The following MCF2L2 variants were observed in gnomAD, a reference collection of about 807,000 sequenced individuals.
MCF2L2 encodes the protein probable guanine nucleotide exchange factor MCF2L2.
In MCF2L2, 102 loss-of-function variants were observed where a neutral mutation model predicts 150.2. The ratio of observed to expected loss-of-function variants is 0.68; its 90% CI spans 0.58 to 0.80. The LOEUF (loss-of-function observed/expected upper bound fraction) is 0.80, where lower values mean the gene tolerates loss of function less well. Among genes scored for constraint, MCF2L2 ranks in the 30% least tolerant of loss-of-function variants. MCF2L2 has a pLI of 0.00. For missense variants in MCF2L2, 1,256 were observed against 1,372.8 expected, an observed-to-expected ratio of 0.91 and a Z score of 1.34; for synonymous variants, 465 against 491.3, an observed-to-expected ratio of 0.95 and a Z score of 0.71.
At chr3:183,288,774 C>T (rs1032600101) in intron 14 of MCF2L2, among the ~76,000 whole-genome samples, 41 of 152,266 alleles carry the variant, frequency 2.7e-4, no homozygotes, top group African/African-American at 8.9e-4. Context: ...ACCACCGCGC[C>T]CGGCCTGTCA....
intron 5 of MCF2L2, among the ~76,000 whole-genome samples, chr3:183,333,074 C>G (rs1450402921): frequency 6.6e-6 from 1 of 151,998 alleles, no homozygotes; most frequent in African/African-American, 2.4e-5. Flanking sequence ...TGAGACAGAG[C>G]CTTGCTCTGT....
At chr3:183,413,318 T>C (rs1449093835) in intron 1 of MCF2L2, among the ~76,000 whole-genome samples, 2 of 152,218 alleles carry the variant, frequency 1.3e-5, no homozygotes, top group Non-Finnish European at 2.9e-5. Context: ...GTATGTTATA[T>C]GTATTATAAA....
chr3:183,254,159 G>C (rs1282727137), intron 15 of MCF2L2: 1 of 151,822 alleles, frequency 6.6e-6, no homozygotes, highest in Non-Finnish European at 1.5e-5. Flanking sequence ...GCCGAGCGAG[G>C]TCTCTGGAGG....
chr3:183,218,863 C>A (rs1188982086), intron 21 of MCF2L2, among the ~76,000 whole-genome samples: 1 of 152,132 alleles, frequency 6.6e-6, no homozygotes, highest in African/African-American at 2.4e-5. Flanking sequence ...CTAACTAGGG[C>A]TAGCTCCTCT....
intron 18 of MCF2L2, 180 bp downstream of exon 18, chr3:183,228,117 C>A (rs959026095): frequency 1.8e-6 from 1 of 559,646 alleles, no homozygotes; most frequent in Non-Finnish European, 3.2e-6. Context: ...ATCAAACCAT[C>A]ATGTTGTATA....
At chr3:183,313,588 G>A (rs984491329) in intron 7 of MCF2L2, among the ~76,000 whole-genome samples, 4 of 152,274 alleles carry the variant, frequency 2.6e-5, no homozygotes, top group Middle Eastern at 3.4e-3. Context: ...GAGCAACTAC[G>A]GTACTTGGAA....
rs547786803 is a variant in MCF2L2 at position 183,244,294 on chromosome 3, T to G, written c.1863-13277A>C. Among the ~76,000 whole-genome samples the G allele has an allele frequency of 3.3e-5, 5 of 152,122 alleles. No individual in the cohort carries two copies. In the East Asian group the frequency reaches 9.7e-4, roughly 29 times the overall value. On this transcript the variant is annotated intron_variant, in intron 15 of 29. Coordinates refer to ENST00000328913, the MANE Select transcript of MCF2L2 (RefSeq NM_015078.4). The stretch of plus-strand genomic sequence containing the variant: ...CTGCCCTGGAACATCAGACTCCAAG[T>G]TCTTCAGCTTTTGGACTCTTGGACT...
chr3:183,261,217 T>C (rs752752760), intron 15 of MCF2L2, among the ~76,000 whole-genome samples: 22 of 152,226 alleles, frequency 1.4e-4, no homozygotes, highest in Non-Finnish European at 2.9e-4. Flanking sequence ...GATCAAATTA[T>C]AGCTTTTCCA....
At chr3:183,257,824 A>T (rs940386294) in intron 15 of MCF2L2, among the ~76,000 whole-genome samples, 9 of 151,444 alleles carry the variant, frequency 5.9e-5, no homozygotes, top group African/African-American at 4.9e-5. Context: ...TTTTCCCTTT[A>T]CCCTAACTTC....
At chr3:183,225,501 G>C (rs1352351961) in intron 18 of MCF2L2, 1 of 152,206 alleles carries the variant, frequency 6.6e-6, no homozygotes, top group Non-Finnish European at 1.5e-5. Context: ...GAATCAGGAG[G>C]CTATAAAATT....
chr3:183,246,863 T>TA (rs777045084), intron 15 of MCF2L2, among the ~76,000 whole-genome samples: 1 of 152,164 alleles, frequency 6.6e-6, no homozygotes, highest in African/African-American at 2.4e-5. Context: ...ATTCTTTTTT[T>TA]AAAAAAACGT....
chr3:183,349,533 T>C (rs561896937), intron 3 of MCF2L2, among the ~76,000 whole-genome samples: 1 of 152,262 alleles, frequency 6.6e-6, no homozygotes, highest in African/African-American at 2.4e-5. Flanking sequence ...ACAGTTCTGC[T>C]GCACTAGCAA....
chr3:183,418,528 G>A (rs1715714093), intron 1 of MCF2L2, among the ~76,000 whole-genome samples: 1 of 152,198 alleles, frequency 6.6e-6, no homozygotes, highest in African/African-American at 2.4e-5. Flanking sequence ...CTGCCTATGA[G>A]CCTGTAAAAT....
intron 1 of MCF2L2, chr3:183,400,390 C>T (rs1714687058): frequency 6.6e-6 from 3 of 456,230 alleles, no homozygotes; most frequent in Non-Finnish European, 1.3e-5. Context: ...CAACTTCCTA[C>T]TAAACGGTGA....
At chr3:183,185,238 GGACCA>G (rs1721656013) in intron 27 of MCF2L2, among the ~76,000 whole-genome samples, 1 of 152,202 alleles carries the variant, frequency 6.6e-6, no homozygotes, top group Non-Finnish European at 1.5e-5. Flanking sequence ...AACTTTTTAA[GGACCA>G]TCTCTATCAC....
intron 5 of MCF2L2, among the ~76,000 whole-genome samples, chr3:183,329,612 T>C (rs186820918): frequency 4.6e-5 from 7 of 152,364 alleles, no homozygotes; most frequent in Admixed American, 3.9e-4. Context: ...GAAAGAACTA[T>C]GGGCATACCC....
intron 1 of MCF2L2, among the ~76,000 whole-genome samples, chr3:183,408,959 A>G (rs930662747): frequency 6.6e-5 from 10 of 152,254 alleles, no homozygotes; most frequent in African/African-American, 2.4e-4. Context: ...TGATAATGGG[A>G]GGTTATAACT....
intron 1 of MCF2L2, among the ~76,000 whole-genome samples, chr3:183,420,124 C>A (rs1006805544): frequency 1.3e-5 from 2 of 152,224 alleles, no homozygotes; most frequent in African/African-American, 4.8e-5. Context: ...AACCATTCAA[C>A]AAGTCTCTAG....
At chr3:183,223,686 C>A (rs1723242680) in intron 19 of MCF2L2, among the ~76,000 whole-genome samples, 1 of 152,100 alleles carries the variant, frequency 6.6e-6, no homozygotes, top group South Asian at 2.1e-4. Flanking sequence ...CCATTTATTT[C>A]TTTTAGAAAG....
Sources: allele counts gnomAD v4.1 joint callset (sites outside exome capture counted in the v4.1 genomes callset), GRCh38; gene constraint gnomAD v4.1.1; transcripts MANE v1.5; gene names NCBI Gene and HGNC (gene_info 2026-07-23, HGNC 2026-07-21).